The following RPA1 variants were observed in gnomAD, a reference collection of about 807,000 sequenced individuals.
RPA1 encodes replication protein A1.
A neutral mutation model predicts 83.0 loss-of-function variants in RPA1; 49 were observed. The ratio of observed to expected loss-of-function variants is 0.59; its 90% confidence interval spans 0.47 to 0.75. RPA1 has a LOEUF of 0.75. RPA1 is among the 30% of genes least tolerant of loss of function. RPA1 has a pLI of 0.00. For synonymous variants in RPA1, 279 were observed against 281.8 expected (o/e 0.99, Z 0.10); for missense variants, 693 against 776.1 (o/e 0.89, Z 1.27).
At chr17:1,835,733 TG>T (rs1441791784) in intron 1 of RPA1, among the ~76,000 whole-genome samples, 1 of 152,176 alleles carries the variant, frequency 6.6e-6, no homozygotes, top group Non-Finnish European at 1.5e-5. Context: ...AAAAAATTTT[TG>T]AAATGCATGC....
intron 2 of RPA1, 139 bp downstream of exon 2, chr17:1,842,992 T>G (rs1314775645): frequency 6.4e-6 from 5 of 782,846 alleles, no homozygotes; most frequent in Non-Finnish European, 1.1e-5. Context: ...CAGTCTACAT[T>G]GTAACCCTGA....
chr17:1,884,096 A>G lies in RPA1; in HGVS notation c.1374+152A>G. 2.9e-6 allele frequency: 3 copies of G among 1,033,102 alleles called. No homozygotes were observed. The highest frequency in any genetic ancestry group is 4.2e-6 in the Non-Finnish European group (3 of 714,154). 64.0% of individuals were successfully genotyped at this position (1,033,102 alleles called of 1,614,324 possible). A position where few individuals can be genotyped will look rare whatever the true frequency, so the allele number is the denominator to read the frequency against. ...GGCATGGGGGTTGAGAATCACTGGCAGAGGGAAGCAGCCAGGTGTGCTCAT... is the reference window on the plus strand; with the variant it reads ...GGCATGGGGGTTGAGAATCACTGGCGGAGGGAAGCAGCCAGGTGTGCTCAT... On this transcript the variant is annotated intron_variant, in intron 13 of 16. Transcript: ENST00000254719. This position sits in a 1 kb window ranked among gnomAD's most constrained non-coding sequence, Gnocchi z 4.1.
At chr17:1,872,553 G>C in intron 6 of RPA1, 27 bp downstream of exon 6, 2 of 1,610,286 alleles carry the variant, frequency 1.2e-6, no homozygotes, top group Admixed American at 3.4e-5. Context: ...GGCGTGCGCT[G>C]ACCAGGGGTG....
At chr17:1,840,112 AG>A (rs1204911110) in intron 1 of RPA1, among the ~76,000 whole-genome samples, 1 of 151,882 alleles carries the variant, frequency 6.6e-6, no homozygotes, top group Non-Finnish European at 1.5e-5. Flanking sequence ...ATAAAAAAAA[AG>A]AAAAAGAAAA....
intron 5 of RPA1, chr17:1,872,123 A>T (rs1913396290): frequency 2.8e-6 from 1 of 351,454 alleles, no homozygotes; most frequent in African/African-American, 2.0e-5. Context: ...GATTCAACCC[A>T]GTGACTTTAC....
chr17:1,843,912 T>G lies in RPA1; in HGVS notation c.85-8T>G. ...AACCTGGCTAATGAATCAAGTTTTC[T>G]GTCCTAGAACATCCGTCCCATTACT... On this transcript the variant is annotated splice_region_variant and splice_polypyrimidine_tract_variant and intron_variant, in intron 2 of 16. Coordinates refer to ENST00000254719, the MANE Select transcript of RPA1 (RefSeq NM_002945.5). 6.2e-7 allele frequency: 1 copy of G among 1,612,832 alleles called. No homozygotes were observed. Among genetic ancestry groups the G allele is most frequent in the Middle Eastern group, 1.7e-4 (1 of 6,030 alleles).
At chr17:1,895,348 A>AT (rs139754576) in intron 16 of RPA1, among the ~76,000 whole-genome samples, 25,095 of 148,500 alleles carry the variant, frequency 0.17, 2,220 homozygotes, top group South Asian at 0.26. Flanking sequence ...TATTTTTTTT[A>AT]TTTTTATTTT....
intron 4 of RPA1, among the ~76,000 whole-genome samples, chr17:1,849,144 G>T (rs955061582): frequency 6.6e-6 from 1 of 152,070 alleles, no homozygotes; most frequent in African/African-American, 2.4e-5. Flanking sequence ...TGCCAACAGC[G>T]CGTGAGTGTG....
intron 5 of RPA1, among the ~76,000 whole-genome samples, chr17:1,869,778 G>A (rs1267838520): frequency 2.0e-5 from 3 of 152,076 alleles, no homozygotes; most frequent in Non-Finnish European, 2.9e-5. Flanking sequence ...CTGGGGTCTC[G>A]TGGCCCCTTG....
intron 5 of RPA1, among the ~76,000 whole-genome samples, chr17:1,857,273 T>C (rs1912736350): frequency 6.6e-6 from 1 of 151,116 alleles, no homozygotes; most frequent in Non-Finnish European, 1.5e-5. Context: ...TTTTCTTTTT[T>C]TTTTTTCAAA....
rs1913606132 is a variant in RPA1 at position 1,877,260 on chromosome 17, G to C, written c.636G>C (p.Trp212Cys). 1.9e-6 allele frequency: 3 copies of C among 1,614,200 alleles called. No individual in the cohort carries two copies. The Admixed American group carries it at 5.0e-5, about 27-fold the overall frequency. ...CCAACAAAAGTCAGATCCGTACCTGGAGCAACTCCCGAGGGGAAGGGAAGC... is the reference window on the plus strand; with the variant it reads ...CCAACAAAAGTCAGATCCGTACCTGCAGCAACTCCCGAGGGGAAGGGAAGC... ...RVTNKSQIRTWSNSRGEGKLF... is the reference protein window; with the variant it reads ...RVTNKSQIRTCSNSRGEGKLF... The change falls in exon 8 of 17, where the codon TGG (tryptophan) becomes TGC (cysteine). Residue 212 changes from tryptophan (W) to cysteine (C), a missense_variant. Physicochemically the swap from Trp to Cys is radical, Grantham distance 215. Coordinates refer to ENST00000254719, the MANE Select transcript of RPA1 (RefSeq NM_002945.5).
chr17:1,850,833 A>G (rs1006561272), intron 4 of RPA1, among the ~76,000 whole-genome samples: 8 of 152,248 alleles, frequency 5.3e-5, no homozygotes, highest in Non-Finnish European at 1.5e-5. Flanking sequence ...CGGAGGTTGC[A>G]GTGAGCTGAG....
In RPA1 at chr17:1,899,350, A is replaced by G. The variant is rs996477259; in HGVS notation, c.*2175A>G. On this transcript the variant is annotated 3_prime_UTR_variant, in exon 17 of 17. Transcript: ENST00000254719. ...GTTTCTCCTCTTTCACTTAGAGATC[A>G]ATGTTGATTTTGCGTACACCATGAC... The G allele has an allele frequency of 6.6e-6, 1 of 152,484 alleles. No homozygotes were observed. Among genetic ancestry groups the G allele is most frequent in the Non-Finnish European group, 1.5e-5 (1 of 68,032 alleles). 9.4% of individuals were successfully genotyped at this position (152,484 alleles called of 1,614,324 possible).
intron 1 of RPA1, among the ~76,000 whole-genome samples, chr17:1,837,343 A>G (rs1460572100): frequency 1.3e-5 from 2 of 152,160 alleles, no homozygotes. Flanking sequence ...ATTCCATTGT[A>G]TGACTATAAC....
At chr17:1,846,830 C>T (rs1040456105) in intron 4 of RPA1, among the ~76,000 whole-genome samples, 6 of 152,098 alleles carry the variant, frequency 3.9e-5, no homozygotes, top group Non-Finnish European at 5.9e-5. Context: ...TGGCTTGCTT[C>T]GAGGTTTTCC....
chr17:1,889,479 C>T (rs1418562179), intron 14 of RPA1, among the ~76,000 whole-genome samples: 1 of 151,916 alleles, frequency 6.6e-6, no homozygotes, highest in East Asian at 1.9e-4. Flanking sequence ...GCAACTACAG[C>T]TGTGCACCAC....
intron 4 of RPA1, among the ~76,000 whole-genome samples, chr17:1,850,149 G>A (rs1912434140): frequency 6.6e-6 from 1 of 150,618 alleles, no homozygotes; most frequent in African/African-American, 2.4e-5. Flanking sequence ...TCTAGCCTGG[G>A]CGACAGGGCA....
chr17:1,850,151 G>A (rs1597428131), intron 4 of RPA1, among the ~76,000 whole-genome samples: 1 of 149,226 alleles, frequency 6.7e-6, no homozygotes, highest in South Asian at 2.1e-4. Context: ...TAGCCTGGGC[G>A]ACAGGGCAAG....
At position 1,874,139 on chromosome 17, in the gene RPA1, C is replaced by T. The variant is rs187936236; in HGVS notation, c.455-1522C>T. Among the ~76,000 whole-genome samples, 54 of 149,722 alleles carry T rather than the reference C, an allele frequency of 3.6e-4. 1 individual carries two copies. Among genetic ancestry groups the T allele is most frequent in the Admixed American group, 2.9e-3 (44 of 14,946 alleles). On this transcript the variant is annotated intron_variant, in intron 6 of 16. Coordinates refer to ENST00000254719, the MANE Select transcript of RPA1 (RefSeq NM_002945.5). ...TCCTTAGGCTTATATACAAATAGTA[C>T]GTTATTCCTCTCCCTCCCTCCACAG...
Sources: allele counts gnomAD v4.1 joint callset (sites outside exome capture counted in the v4.1 genomes callset), GRCh38; gene constraint gnomAD v4.1.1; non-coding constraint Gnocchi (gnomAD v3.1); transcripts MANE v1.5; gene names NCBI Gene and HGNC (gene_info 2026-07-23, HGNC 2026-07-21).